Variants in DCLRE1B observed in about 807,000 individuals in gnomAD.
DCLRE1B encodes the protein 5' exonuclease Apollo.
In DCLRE1B, 6 loss-of-function variants were observed where a neutral mutation model predicts 19.8. The ratio of observed to expected loss-of-function variants is 0.30; its 90% CI spans 0.17 to 0.60. The LOEUF (loss-of-function observed/expected upper bound fraction) is 0.60. Among genes scored for constraint, DCLRE1B ranks in the 20% least tolerant of loss-of-function variants. The pLI is 0.87. For missense variants in DCLRE1B, 622 were observed against 654.2 expected, an observed-to-expected ratio of 0.95 and a Z score of 0.54; for synonymous variants, 258 against 255.7, an observed-to-expected ratio of 1.01 and a Z score of -0.09.
chr1:113,909,269 T>C (rs1669161818), intron 3 of DCLRE1B, among the ~76,000 whole-genome samples: 1 of 152,194 alleles, frequency 6.6e-6, no homozygotes. Context: ...AAAAAACAGG[T>C]TTGTGCTTGT....
chr1:113,907,226 T>A, intron 2 of DCLRE1B, 65 bp downstream of exon 2: 3 of 1,313,284 alleles, frequency 2.3e-6, no homozygotes, highest in South Asian at 1.6e-5. Context: ...TTTTTTTTTT[T>A]TTTTTTTTAA....
intron 2 of DCLRE1B, 29 bp from the exon 3 acceptor site, chr1:113,907,980 C>T (rs1669102263): frequency 1.3e-6 from 2 of 1,597,690 alleles, no homozygotes; most frequent in Non-Finnish European, 8.5e-7. Context: ...TGTCTCTGAC[C>T]TTCTGCCCCC....
chr1:113,907,992 T>C lies in DCLRE1B; in HGVS notation c.356-17T>C. ...TTTTGTCTCTGACCTTCTGCCCCCA[T>C]GTACATATTCCTCCAGGTGATTTTC... On this transcript the variant is annotated splice_polypyrimidine_tract_variant and intron_variant, in intron 2 of 3. Coordinates refer to ENST00000650450, the MANE Select transcript of DCLRE1B (RefSeq NM_022836.4). The C allele has an allele frequency of 6.2e-7, 1 of 1,610,048 alleles. No individual in the cohort carries two copies. The highest frequency in any genetic ancestry group is 2.2e-5 in the East Asian group (1 of 44,854).
At chr1:113,905,045 C>T (rs1022873895), upstream of DCLRE1B, 1 of 403,376 alleles carries the variant, frequency 2.5e-6, no homozygotes, top group South Asian at 2.1e-5. Flanking sequence ...AGACCCCTCC[C>T]TCTCCAGTTC....
chr1:113,908,261 CT>C, intron 3 of DCLRE1B, 70 bp downstream of exon 3: 4 of 1,544,374 alleles, frequency 2.6e-6, no homozygotes, highest in Non-Finnish European at 3.5e-6. Context: ...ATTCTCACAT[CT>C]TTCAGATCTT....
rs1669293100 is a variant in DCLRE1B at position 113,912,269 on chromosome 1, A to G, written c.*78A>G. 1 of 1,448,628 alleles carries G rather than the reference A, an allele frequency of 6.9e-7. No individual in the cohort carries two copies. The highest frequency in any genetic ancestry group is 9.2e-7 in the Non-Finnish European group (1 of 1,084,380). 89.7% of individuals were successfully genotyped at this position (1,448,628 alleles called of 1,614,324 possible). A position where few individuals can be genotyped will look rare whatever the true frequency, so the allele number is the denominator to read the frequency against. The stretch of plus-strand genomic sequence containing the variant: ...TAGTAACTGATGGCTGGTGGGAAAG[A>G]GTTTGTTTTTGGGGCCTACTTTTCT... On this transcript the variant is annotated 3_prime_UTR_variant, in exon 4 of 4. Coordinates refer to ENST00000650450, the MANE Select transcript of DCLRE1B (RefSeq NM_022836.4).
intron 3 of DCLRE1B, among the ~76,000 whole-genome samples, chr1:113,910,311 C>T (rs1669206293): frequency 1.3e-5 from 2 of 152,116 alleles, no homozygotes. Flanking sequence ...TTATATGGCC[C>T]TTGCTTGCCT....
At position 113,908,165 on chromosome 1, in the gene DCLRE1B, A is replaced by G. The variant is rs1669111355; in HGVS notation, c.512A>G (p.Lys171Arg). The G allele has an allele frequency of 6.2e-7, 1 of 1,613,880 alleles. No individual in the cohort carries two copies. The highest frequency in any genetic ancestry group is 8.5e-7 in the Non-Finnish European group (1 of 1,179,990). The change falls in exon 3 of 4, where the codon AAA becomes AGA. Residue 171 changes from lysine (K) to arginine (R), a missense_variant. By Grantham distance (26) the Lys-to-Arg change is conservative (BLOSUM62 2). This residue lies in a region of DCLRE1B where 237 missense variants were observed against 223.8 expected (regional missense o/e 1.06). Transcript: ENST00000650450. ...CACCAGATTGTCCAGCTCATTCGAA[A>G]ACACCCACAACATAACATAAAGATT... ...AAHQIVQLIRKHPQHNIKIGL... is the reference protein window; with the variant it reads ...AAHQIVQLIRRHPQHNIKIGL...
chr1:113,905,148 A>G (rs939051175), upstream of DCLRE1B: 2 of 346,456 alleles, frequency 5.8e-6, no homozygotes, highest in Non-Finnish European at 1.1e-5. Flanking sequence ...GAGACCAAAC[A>G]GAAGACCGCT....
Position 113,912,007 on chromosome 1 carries a change from A to G in DCLRE1B, c.1415A>G (p.Asn472Ser), listed in dbSNP as rs778554123. 6.2e-7 allele frequency: 1 copy of G among 1,614,188 alleles called. No individual in the cohort carries two copies. Among genetic ancestry groups the G allele is most frequent in the Non-Finnish European group, 8.5e-7 (1 of 1,180,040 alleles). Reference protein sequence around the residue: ...DDDGGPEATGNQSAWMGHGSP... With the variant: ...DDDGGPEATGSQSAWMGHGSP... ...GATGGAGGTCCAGAAGCCACAGGGA[A>G]TCAGAGTGCCTGGATGGGCCATGGT... The change falls in exon 4 of 4, where the codon AAT becomes AGT. Residue 472 changes from asparagine to serine, a missense_variant. Transcript: ENST00000650450.
chr1:113,909,940 T>C (rs796659504), intron 3 of DCLRE1B, among the ~76,000 whole-genome samples: 1 of 152,188 alleles, frequency 6.6e-6, no homozygotes, highest in South Asian at 2.1e-4. Context: ...ATAAATAATA[T>C]ATACTTCTTT....
At chr1:113,911,090 T>A (rs1219611826) in intron 3 of DCLRE1B, 41 bp from the exon 4 acceptor site, 3 of 1,529,092 alleles carry the variant, frequency 2.0e-6, no homozygotes, top group African/African-American at 1.4e-5. Context: ...CTTAATTTTC[T>A]TCCTTCTCTT....
Position 113,905,616 on chromosome 1 carries a change from C to T in DCLRE1B, c.30C>T (p.Pro10=). The T allele has an allele frequency of 6.2e-7, 1 of 1,614,190 alleles. No individual in the cohort carries two copies. Residue 10 remains proline, a synonymous_variant, in exon 1 of 4, where the codon CCC becomes CCT. Transcript: ENST00000650450. ...ATGGGGTCCTGATCCCCCATACGCCCATCGCAGTGGACTTCTGGAGCCTGC... is the reference window on the plus strand; with the variant it reads ...ATGGGGTCCTGATCCCCCATACGCCTATCGCAGTGGACTTCTGGAGCCTGC... MNGVLIPHT[P]IAVDFWSLRR...
intron 3 of DCLRE1B, among the ~76,000 whole-genome samples, chr1:113,908,610 C>CAATA (rs1669131347): frequency 6.6e-6 from 1 of 152,114 alleles, no homozygotes; most frequent in Admixed American, 6.5e-5. Context: ...GACCCTGTCT[C>CAATA]AATAAATGAA....
In DCLRE1B at chr1:113,911,700, T is replaced by A; in HGVS notation, c.1108T>A (p.Ser370Thr). 1 of 1,613,934 alleles carries A rather than the reference T, an allele frequency of 6.2e-7. No individual in the cohort carries two copies. The highest frequency in any genetic ancestry group is 1.1e-5 in the South Asian group (1 of 91,078). ...TGATCAATCTCAAGCTGACAGAGAC[T>A]CAAAGAAGGCCAAGAAAGAGAAACT... ...SADQSQADRD[S>T]KKAKKEKLSP... The change falls in exon 4 of 4, where the codon TCA (serine) becomes ACA (threonine). Residue 370 changes from serine to threonine, a missense_variant. By Grantham distance (58) the Ser-to-Thr change is moderately conservative. Transcript: ENST00000650450.
intron 1 of DCLRE1B, 55 bp from the exon 2 acceptor site, chr1:113,906,941 G>A (rs892305824): frequency 2.5e-6 from 4 of 1,595,094 alleles, no homozygotes; most frequent in Non-Finnish European, 3.4e-6. Flanking sequence ...TCCCTGACCC[G>A]GGGAGGTAAC....
At chr1:113,906,482 T>C (rs1668976675) in intron 1 of DCLRE1B, among the ~76,000 whole-genome samples, 1 of 149,964 alleles carries the variant, frequency 6.7e-6, no homozygotes, top group Non-Finnish European at 1.5e-5. Flanking sequence ...CTGACTAGAC[T>C]GTTTGCTGAA....
intron 1 of DCLRE1B, 79 bp downstream of exon 1, chr1:113,905,854 A>G (rs1318839752): frequency 4.8e-6 from 7 of 1,463,092 alleles, no homozygotes; most frequent in Non-Finnish European, 6.4e-6. Context: ...TTGGAGTCAT[A>G]GAATGGGGGC....
chr1:113,908,277 C>T, intron 3 of DCLRE1B, 86 bp downstream of exon 3: 4 of 1,519,186 alleles, frequency 2.6e-6, no homozygotes, highest in Non-Finnish European at 3.6e-6. Flanking sequence ...GATCTTTGTG[C>T]AGTTCTCACT....
Sources: gnomAD v4.1 joint callset for allele counts (sites outside exome capture counted in the v4.1 genomes callset) on GRCh38, gnomAD v4.1.1 for gene constraint, gnomAD v4.1.1 regional missense constraint, MANE v1.5 for transcripts, NCBI Gene and HGNC (gene_info 2026-07-23, HGNC 2026-07-21) for gene names.